MNAT1: variants seen among roughly 807,000 people sequenced by gnomAD.
MNAT1 encodes the protein CDK-activating kinase assembly factor MAT1.
Under a neutral mutation model 42.0 loss-of-function variants are expected in MNAT1, and 43 were observed. That is an observed-to-expected ratio of 1.02 (90% CI 0.80 to 1.32). The LOEUF (loss-of-function observed/expected upper bound fraction) is 1.32, where lower values mean the gene tolerates loss of function less well. Ranked by LOEUF, MNAT1 falls within the 40% of genes most tolerant of loss-of-function variation. The probability of loss-of-function intolerance (pLI) is 0.00; values close to 1 mark genes in which losing one functional copy is unlikely to be tolerated. For synonymous variants in MNAT1, 118 were observed against 120.0 expected (o/e 0.98, Z 0.11); for missense variants, 306 against 350.4 (o/e 0.87, Z 1.01).
intron 6 of MNAT1, among the ~76,000 whole-genome samples, chr14:60,872,090 G>A (rs2034337348): frequency 6.6e-6 from 1 of 152,084 alleles, no homozygotes; most frequent in African/African-American, 2.4e-5. Flanking sequence ...ATTCATTAAG[G>A]AAAGATGTTT....
intron 7 of MNAT1, among the ~76,000 whole-genome samples, chr14:60,913,358 C>T (rs181429989): frequency 1.6e-4 from 25 of 152,268 alleles, no homozygotes; most frequent in Admixed American, 4.6e-4. Context: ...AGCTTTGTTC[C>T]GTTGCTGGTG....
At chr14:60,827,670 A>T (rs575910241) in intron 6 of MNAT1, among the ~76,000 whole-genome samples, 2 of 152,338 alleles carry the variant, frequency 1.3e-5, no homozygotes, top group African/African-American at 4.8e-5. Context: ...TAGGTAGTAA[A>T]TCAAGTATAA....
At chr14:60,929,167 A>AT (rs2035831449) in intron 7 of MNAT1, among the ~76,000 whole-genome samples, 80 of 90,932 alleles carry the variant, frequency 8.8e-4, no homozygotes, top group African/African-American at 2.9e-3. Context: ...AAAAAAAAAA[A>AT]AAAATATATA....
At position 60,931,931 on chromosome 14, in the gene MNAT1, T is replaced by C. The variant is rs145225488; in HGVS notation, c.810-36298T>C. Among the ~76,000 whole-genome samples the C allele has an allele frequency of 7.8e-3, 1,186 of 152,118 alleles. 16 individuals are homozygous for C. The highest frequency in any genetic ancestry group is 0.027 in the African/African-American group (1,133 of 41,530). On this transcript the variant is annotated intron_variant, in intron 7 of 7. Transcript: ENST00000261245. ...CTACTTTTTAAATTTTTTAATTCAGTCATTTTGAGAATTAAGTGTGTTATT... is the reference window on the plus strand; with the variant it reads ...CTACTTTTTAAATTTTTTAATTCAGCCATTTTGAGAATTAAGTGTGTTATT...
chr14:60,787,120 A>G (rs924849594), intron 1 of MNAT1, among the ~76,000 whole-genome samples: 3 of 152,078 alleles, frequency 2.0e-5, no homozygotes, highest in Non-Finnish European at 4.4e-5. Flanking sequence ...GCTTTCCCTT[A>G]TTACTCGTAT....
intron 7 of MNAT1, among the ~76,000 whole-genome samples, chr14:60,902,258 T>C (rs2035085997): frequency 6.6e-6 from 1 of 152,138 alleles, no homozygotes; most frequent in South Asian, 2.1e-4. Flanking sequence ...TAACTACATT[T>C]GCAAAATCAT....
At chr14:60,913,459 T>C (rs1333086053) in intron 7 of MNAT1, among the ~76,000 whole-genome samples, 2 of 152,196 alleles carry the variant, frequency 1.3e-5, no homozygotes, top group Non-Finnish European at 2.9e-5. Flanking sequence ...TTTGTGGTTT[T>C]ATCTACCTTG....
chr14:60,912,286 G>C (rs4411433), intron 7 of MNAT1, among the ~76,000 whole-genome samples: 142,936 of 151,772 alleles, frequency 0.94, 67,630 homozygotes, highest in Non-Finnish European at 0.99. Flanking sequence ...GTTTGCCAGT[G>C]TGTGTCTTTT....
At chr14:60,771,700 C>T (rs1384370224) in intron 1 of MNAT1, among the ~76,000 whole-genome samples, 1 of 152,156 alleles carries the variant, frequency 6.6e-6, no homozygotes, top group Non-Finnish European at 1.5e-5. Flanking sequence ...CCCTGCCCTA[C>T]ATTTTCTTCT....
intron 7 of MNAT1, among the ~76,000 whole-genome samples, chr14:60,905,761 G>GT (rs4151338): frequency 0.016 from 2,430 of 152,178 alleles, 60 homozygotes; most frequent in African/African-American, 0.056. Flanking sequence ...CACTTCCTTC[G>GT]TTTTTTTGCT....
intron 7 of MNAT1, among the ~76,000 whole-genome samples, chr14:60,944,998 T>G (rs187882601): frequency 1.3e-5 from 2 of 152,296 alleles, no homozygotes; most frequent in East Asian, 3.9e-4. Flanking sequence ...CCAAAGCTAA[T>G]AAAATATTTC....
At chr14:60,873,518 G>T (rs1427732566) in intron 6 of MNAT1, among the ~76,000 whole-genome samples, 2 of 152,008 alleles carry the variant, frequency 1.3e-5, no homozygotes, top group Non-Finnish European at 2.9e-5. Context: ...ACTCATGCTG[G>T]AGTACAGTGG....
At chr14:60,792,435 TG>T (rs1400995816) in intron 1 of MNAT1, among the ~76,000 whole-genome samples, 1 of 152,170 alleles carries the variant, frequency 6.6e-6, no homozygotes, top group Admixed American at 6.5e-5. Flanking sequence ...TTAGTACACA[TG>T]GGCTTAAGGA....
intron 7 of MNAT1, among the ~76,000 whole-genome samples, chr14:60,930,259 C>T (rs2035859508): frequency 7.5e-6 from 1 of 132,754 alleles, no homozygotes; most frequent in Admixed American, 7.6e-5. Flanking sequence ...GAGTCTATTT[C>T]CTTCTCTAGA....
intron 6 of MNAT1, among the ~76,000 whole-genome samples, chr14:60,826,307 AT>A (rs60838198): frequency 0.84 from 99,776 of 119,480 alleles, 41,660 homozygotes; most frequent in Middle Eastern, 0.92. Flanking sequence ...AATAGGAGAA[AT>A]TTTTTTTTTT....
At chr14:60,846,129 T>C (rs2033676177) in intron 6 of MNAT1, among the ~76,000 whole-genome samples, 1 of 151,954 alleles carries the variant, frequency 6.6e-6, no homozygotes, top group South Asian at 2.1e-4. Flanking sequence ...CCTCTCTTCC[T>C]TTCCTCCCCT....
chr14:60,865,961 C>T (rs1323894466), intron 6 of MNAT1, among the ~76,000 whole-genome samples: 2 of 152,058 alleles, frequency 1.3e-5, no homozygotes, highest in South Asian at 2.1e-4. Flanking sequence ...CTGTTTCAGC[C>T]TTCAGAGGTT....
At chr14:60,887,104 A>AT (rs1051528629) in intron 7 of MNAT1, among the ~76,000 whole-genome samples, 1 of 152,074 alleles carries the variant, frequency 6.6e-6, no homozygotes, top group African/African-American at 2.4e-5. Flanking sequence ...CCCTGCATAT[A>AT]TATTGAGATG....
intron 4 of MNAT1, among the ~76,000 whole-genome samples, chr14:60,809,198 T>C (rs1236127684): frequency 6.6e-6 from 1 of 152,166 alleles, no homozygotes; most frequent in Non-Finnish European, 1.5e-5. Context: ...ACGTTTGAGA[T>C]ACTTTATCAG....
Sources: gnomAD v4.1 joint callset for allele counts (sites outside exome capture counted in the v4.1 genomes callset) on GRCh38, gnomAD v4.1.1 for gene constraint, MANE v1.5 for transcripts, NCBI Gene and HGNC (gene_info 2026-07-23, HGNC 2026-07-21) for gene names.